The following DOT1L variants were observed in gnomAD, a reference collection of about 807,000 sequenced individuals.
The protein encoded by DOT1L is histone-lysine N-methyltransferase, H3 lysine-79 specific.
Under a neutral mutation model 153.3 loss-of-function variants are expected in DOT1L, and 33 were observed. The observed-to-expected ratio is 0.22, with a 90% CI of 0.16 to 0.29. The LOEUF (loss-of-function observed/expected upper bound fraction) is 0.29. Ranked by LOEUF, DOT1L falls within the 10% of genes least tolerant of loss-of-function variation. The pLI is 1.00. For synonymous variants in DOT1L, 1,135 were observed against 965.1 expected, an observed-to-expected ratio of 1.18 and a Z score of -3.26; for missense variants, 1,847 against 2,119.9, an observed-to-expected ratio of 0.87 and a Z score of 2.53.
chr19:2,227,691 G>A (rs762802579), intron 27 of DOT1L: 1 of 1,295,142 alleles, frequency 7.7e-7, no homozygotes, highest in Non-Finnish European at 1.0e-6. Context: ...GCGCTTGCCT[G>A]GATGCTGCCG....
chr19:2,222,535 G>T lies in DOT1L; in HGVS notation c.3366G>T (p.Gly1122=). The T allele has an allele frequency of 6.4e-7, 1 of 1,557,130 alleles. No homozygotes were observed. Among genetic ancestry groups the T allele is most frequent in the Non-Finnish European group, 8.7e-7 (1 of 1,155,486 alleles). ...CTGGCCTTTTCACACAGCCTTCGGGGTCTCCCCTCAACCTCAACTCCATGG... is the reference window on the plus strand; with the variant it reads ...CTGGCCTTTTCACACAGCCTTCGGGTTCTCCCCTCAACCTCAACTCCATGG... ...SVAGLFTQPS[G]SPLNLNSMVS... The change falls in exon 24 of 28, where the codon GGG becomes GGT. Residue 1122 remains glycine (G), a synonymous_variant. Coordinates refer to ENST00000398665, the MANE Select transcript of DOT1L (RefSeq NM_032482.3). This position sits in a 1 kb window ranked among gnomAD's most constrained non-coding sequence, Gnocchi z 6.5.
intron 1 of DOT1L, among the ~76,000 whole-genome samples, chr19:2,177,478 GTAC>G (rs2022002396): frequency 6.6e-6 from 1 of 152,034 alleles, no homozygotes; most frequent in East Asian, 1.9e-4. Context: ...TGTATTATTA[GTAC>G]TACTAACAAT....
rs781444894 is a variant in DOT1L at position 2,220,246 on chromosome 19, C to T, written c.2806+24C>T. On this transcript the variant is annotated intron_variant, in intron 23 of 27. Coordinates refer to ENST00000398665, the MANE Select transcript of DOT1L (RefSeq NM_032482.3). This position sits in a 1 kb window ranked among gnomAD's most constrained non-coding sequence, Gnocchi z 4.5. ...AGGTAACGCCCCTCCTGTGCCCTACCCTCAGGACTCTGCTGCTGCTGCTGC... is the reference window on the plus strand; with the variant it reads ...AGGTAACGCCCCTCCTGTGCCCTACTCTCAGGACTCTGCTGCTGCTGCTGC... 3.8e-6 allele frequency: 6 copies of T among 1,592,970 alleles called. No individual in the cohort carries two copies. The highest frequency in any genetic ancestry group is 1.7e-4 in the Middle Eastern group (1 of 6,050).
Position 2,216,442 on chromosome 19 carries a change from C to T in DOT1L, c.2085C>T (p.Asp695=), listed in dbSNP as rs1047331431. The T allele has an allele frequency of 1.9e-6, 3 of 1,612,578 alleles. No homozygotes were observed. The highest frequency in any genetic ancestry group is 2.7e-5 in the African/African-American group (2 of 74,932). ...CCAGCCGGCTGCACCTGGAGCTGGACTGCACCAAGTTCTCGCTGCCTCACT... is the reference window on the plus strand; with the variant it reads ...CCAGCCGGCTGCACCTGGAGCTGGATTGCACCAAGTTCTCGCTGCCTCACT... ...PDASRLHLEL[D]CTKFSLPHLS... is the part of the protein sequence containing the mutation. Residue 695 remains aspartate (D), a synonymous_variant, in exon 20 of 28, where the codon GAC becomes GAT. Transcript: ENST00000398665.
At chr19:2,171,841 G>A (rs1480223262) in intron 1 of DOT1L, among the ~76,000 whole-genome samples, 2 of 152,192 alleles carry the variant, frequency 1.3e-5, no homozygotes, top group East Asian at 3.8e-4. Context: ...TGCAGCTCTG[G>A]AGACACAGAT....
chr19:2,227,196 C>T (rs1221118808), intron 27 of DOT1L, 69 bp downstream of exon 27: 2 of 1,555,618 alleles, frequency 1.3e-6, no homozygotes, highest in East Asian at 2.3e-5. Flanking sequence ...TTTGCAGGTT[C>T]CCTTCCGCAC....
intron 24 of DOT1L, 42 bp from the exon 25 acceptor site, chr19:2,223,239 G>C: frequency 6.2e-7 from 1 of 1,602,784 alleles, no homozygotes; most frequent in Non-Finnish European, 8.5e-7. Context: ...TTGGGGTCCC[G>C]GGTCTGTGGT....
chr19:2,225,118 G>C (rs952274135), intron 25 of DOT1L, among the ~76,000 whole-genome samples: 9 of 152,212 alleles, frequency 5.9e-5, no homozygotes, highest in Non-Finnish European at 8.8e-5. Context: ...CTCCCATTCA[G>C]CTGCTGTGCC....
Position 2,222,727 on chromosome 19 carries a change from C to G in DOT1L, c.3390+168C>G. 1 of 668,516 alleles carries G rather than the reference C, an allele frequency of 1.5e-6. No homozygotes were observed. Among genetic ancestry groups the G allele is most frequent in the East Asian group, 2.9e-5 (1 of 34,824 alleles). 41.4% of individuals were successfully genotyped at this position (668,516 alleles called of 1,614,324 possible). ...CATCCTGGCTAACACGGTGAAACCC[C>G]GTCTCTACCAAAAATACAAAAGATT... On this transcript the variant is annotated intron_variant, in intron 24 of 27. Transcript: ENST00000398665. The surrounding 1 kb of genome is among the most constrained non-coding windows in gnomAD (Gnocchi z 6.5).
In DOT1L at chr19:2,223,475, C is replaced by G. The variant is rs777472376; in HGVS notation, c.3585C>G (p.Pro1195=). Reference sequence around the variant, plus strand: ...AGGAGCCAGGCTCTGAGGACGAGCCCAGCAGTGCTCGGCGAGTCCAGGGGC... The same window carrying G: ...AGGAGCCAGGCTCTGAGGACGAGCCGAGCAGTGCTCGGCGAGTCCAGGGGC... The part of the protein sequence containing the change: ...SDEEPGSEDE[P]SSARIERKIA... The change falls in exon 25 of 28, where the codon CCC becomes CCG. Residue 1195 remains proline, a synonymous_variant. Coordinates refer to ENST00000398665, the MANE Select transcript of DOT1L (RefSeq NM_032482.3). 6.3e-7 allele frequency: 1 copy of G among 1,594,692 alleles called. No individual in the cohort carries two copies.
Position 2,220,330 on chromosome 19 carries a change from G to A in DOT1L, c.2806+108G>A. On this transcript the variant is annotated intron_variant, in intron 23 of 27. Coordinates refer to ENST00000398665, the MANE Select transcript of DOT1L (RefSeq NM_032482.3). This position sits in a 1 kb window ranked among gnomAD's most constrained non-coding sequence, Gnocchi z 4.5. ...GAACAGGGCTTCCTGGGGTGATCAT[G>A]GGGGCTGCTGCCCCAAACCGCCACG... 8.9e-7 allele frequency: 1 copy of A among 1,124,194 alleles called. No individual in the cohort carries two copies. Among genetic ancestry groups the A allele is most frequent in the South Asian group, 1.3e-5 (1 of 75,676 alleles). The allele number at this position is 1,124,194 out of a possible 1,614,324, so 69.6% of individuals were successfully genotyped here.
chr19:2,227,235 T>G (rs1271373130), intron 27 of DOT1L, 108 bp downstream of exon 27: 1 of 1,407,276 alleles, frequency 7.1e-7, no homozygotes, highest in African/African-American at 1.4e-5. Flanking sequence ...GAGCTGCAGG[T>G]CCCCTGGTGC....
chr19:2,188,488 C>T (rs967742554), intron 3 of DOT1L, among the ~76,000 whole-genome samples: 1 of 127,540 alleles, frequency 7.8e-6, no homozygotes, highest in Non-Finnish European at 1.7e-5. Context: ...CCGCCCCCCC[C>T]CCCCCCACCC....
intron 1 of DOT1L, among the ~76,000 whole-genome samples, chr19:2,174,616 A>G (rs1412119031): frequency 6.6e-6 from 1 of 152,004 alleles, no homozygotes; most frequent in Non-Finnish European, 1.5e-5. Flanking sequence ...AGCTAAGATA[A>G]ATTTTGTTTT....
rs555308022 is a variant in DOT1L at position 2,179,339 on chromosome 19, G to C, written c.82-1374G>C. On this transcript the variant is annotated intron_variant, in intron 1 of 27. Coordinates refer to ENST00000398665, the MANE Select transcript of DOT1L (RefSeq NM_032482.3). ...GTTGCTTTTTCTCTGCCCTGGGAGAGGCTCGCTGAGGCTGCACGGCTGCCT... is the reference window on the plus strand; with the variant it reads ...GTTGCTTTTTCTCTGCCCTGGGAGACGCTCGCTGAGGCTGCACGGCTGCCT... 2.0e-5 allele frequency among the ~76,000 whole-genome samples: 3 copies of C among 149,414 alleles called. No homozygotes were observed. The East Asian group carries it at 5.8e-4, about 29-fold the overall frequency.
At position 2,216,261 on chromosome 19, in the gene DOT1L, C is replaced by T; in HGVS notation, c.1924-20C>T. ...TGGTCCCCCGGTGGGGCGGGCCTGA[C>T]ACCATCTCTCCTCCTGCAGATCAGC... On this transcript the variant is annotated intron_variant, in intron 19 of 27. Coordinates refer to ENST00000398665, the MANE Select transcript of DOT1L (RefSeq NM_032482.3). 1.9e-6 allele frequency: 3 copies of T among 1,549,304 alleles called. No homozygotes were observed. The highest frequency in any genetic ancestry group is 1.8e-6 in the Non-Finnish European group (2 of 1,142,510).
Position 2,220,271 on chromosome 19 carries a change from CT to C in DOT1L, c.2806+50del. 6.4e-7 allele frequency: 1 copy of C among 1,552,404 alleles called. No individual in the cohort carries two copies. The highest frequency in any genetic ancestry group is 8.8e-7 in the Non-Finnish European group (1 of 1,140,076). On this transcript the variant is annotated intron_variant, in intron 23 of 27. Coordinates refer to ENST00000398665, the MANE Select transcript of DOT1L (RefSeq NM_032482.3). This position sits in a 1 kb window ranked among gnomAD's most constrained non-coding sequence, Gnocchi z 4.5. Reference sequence around the variant, plus strand: ...CCTCAGGACTCTGCTGCTGCTGCTGCTCTTCAGGCAGGAGGGCTGGGTTGCT... The same window carrying C: ...CCTCAGGACTCTGCTGCTGCTGCTGCCTTCAGGCAGGAGGGCTGGGTTGCT...
rs747744066 is a variant in DOT1L, at chr19:2,222,049, C to T, written c.2880C>T (p.Ala960=). The change falls in exon 24 of 28, where the codon GCC becomes GCT. Residue 960 remains alanine (A), a synonymous_variant. Transcript: ENST00000398665. This position sits in a 1 kb window ranked among gnomAD's most constrained non-coding sequence, Gnocchi z 6.5. ...GCCCGGCCTCTCTCACACCTGGAGC[C>T]GAGCCGGCCACCTTGGATGAGTCCT... ...AGSPASLTPG[A]EPATLDESSS... 6.2e-5 allele frequency: 100 copies of T among 1,613,004 alleles called. No individual in the cohort carries two copies. Among genetic ancestry groups the T allele is most frequent in the South Asian group, 2.6e-4 (24 of 91,080 alleles).
chr19:2,172,353 C>G (rs2021684003), intron 1 of DOT1L, among the ~76,000 whole-genome samples: 1 of 151,656 alleles, frequency 6.6e-6, no homozygotes, highest in Non-Finnish European at 1.5e-5. Flanking sequence ...CCACGCCCAG[C>G]TAATTTTTTG....
Sources: allele counts gnomAD v4.1 joint callset (sites outside exome capture counted in the v4.1 genomes callset), GRCh38; gene constraint gnomAD v4.1.1; non-coding constraint Gnocchi (gnomAD v3.1); transcripts MANE v1.5; gene names NCBI Gene and HGNC (gene_info 2026-07-23, HGNC 2026-07-21).